GSPT1: variants seen among roughly 807,000 people sequenced by gnomAD.
GSPT1 encodes eukaryotic peptide chain release factor GTP-binding subunit ERF3A.
In GSPT1, 20 loss-of-function variants were observed where a neutral mutation model predicts 72.5. The observed-to-expected ratio is 0.28, with a 90% confidence interval of 0.19 to 0.40. The LOEUF (loss-of-function observed/expected upper bound fraction) is 0.40. GSPT1 is among the 10% of genes least tolerant of loss of function. GSPT1 has a pLI of 1.00. For missense variants in GSPT1, 580 were observed against 811.9 expected (o/e 0.71, Z 3.47); for synonymous variants, 334 against 293.5 (o/e 1.14, Z -1.41).
At chr16:11,885,303 G>A (rs746142264) in intron 9 of GSPT1, 29 bp from the exon 10 acceptor site, 4 of 1,065,546 alleles carry the variant, frequency 3.8e-6, no homozygotes, top group Admixed American at 1.7e-5. Flanking sequence ...AGCCATTAAA[G>A]GAAGTCAACA....
intron 7 of GSPT1, 77 bp downstream of exon 7, chr16:11,887,493 A>T: frequency 8.4e-7 from 1 of 1,196,634 alleles, no homozygotes; most frequent in Non-Finnish European, 1.2e-6. Context: ...TTGAGCTTTT[A>T]GAAGATAAAT....
At chr16:11,890,160 CCAT>C in intron 6 of GSPT1, among the ~76,000 whole-genome samples, 1 of 151,628 alleles carries the variant, frequency 6.6e-6, no homozygotes, top group African/African-American at 2.4e-5. Flanking sequence ...CGGGGTTTCA[CCAT>C]GTTAGCCAGG....
intron 1 of GSPT1, among the ~76,000 whole-genome samples, chr16:11,911,362 T>C (rs1343535275): frequency 6.6e-6 from 1 of 152,122 alleles, no homozygotes; most frequent in Non-Finnish European, 1.5e-5. Context: ...CTTACAAATA[T>C]ATTAAAAGCC....
At position 11,894,069 on chromosome 16, in the gene GSPT1, T is replaced by C. The variant is rs377125683; in HGVS notation, c.698+885A>G. ...TGCTTGGGAGGCTGAGGTGGAAGGA[T>C]TGCTTGAGTCCAGGAGGTCGAGGCT... On this transcript the variant is annotated intron_variant, in intron 5 of 14. Transcript: ENST00000434724. Among the ~76,000 whole-genome samples, 18 of 140,026 alleles carry C rather than the reference T, an allele frequency of 1.3e-4. No homozygotes were observed. The East Asian group carries it at 3.0e-3, about 23-fold the overall frequency. The allele number at this position is 140,026 out of a possible 152,430, so 91.9% of individuals were successfully genotyped here.
In GSPT1 at chr16:11,896,682, C is replaced by T. The variant is rs747461614; in HGVS notation, c.540G>A (p.Pro180=). ...TCATTTCATGGGCACTTTCCTCTGG[C>T]GGCCTTCCATCTCCCAAGGAACCAC... ...PGGGSLGDGR[P]PEESAHEMME... is the part of the protein sequence containing the mutation. The change falls in exon 4 of 15, where the codon CCG becomes CCA. Residue 180 remains proline (P), a synonymous_variant. Transcript: ENST00000434724. 25 of 1,607,660 alleles carry T rather than the reference C, an allele frequency of 1.6e-5. No homozygotes were observed. Among genetic ancestry groups the T allele is most frequent in the African/African-American group, 4.0e-5 (3 of 74,842 alleles).
chr16:11,897,413 C>T (rs528654844), intron 3 of GSPT1, among the ~76,000 whole-genome samples: 21 of 152,176 alleles, frequency 1.4e-4, no homozygotes, highest in African/African-American at 4.8e-4. Context: ...GGTGAAACCC[C>T]GCCTCTACTA....
intron 11 of GSPT1, among the ~76,000 whole-genome samples, chr16:11,880,862 C>T (rs556278885): frequency 1.3e-5 from 2 of 152,162 alleles, no homozygotes; most frequent in African/African-American, 4.8e-5. Flanking sequence ...CCGTAGGTTG[C>T]CAACCCCATG....
intron 14 of GSPT1, 61 bp downstream of exon 14, chr16:11,875,700 G>A (rs1025887664): frequency 1.6e-6 from 2 of 1,232,292 alleles, no homozygotes; most frequent in Non-Finnish European, 2.3e-6. Context: ...CTGAGATGAT[G>A]AAGATGACCA....
chr16:11,885,622 T>G (rs567604882), intron 9 of GSPT1, among the ~76,000 whole-genome samples: 5 of 152,354 alleles, frequency 3.3e-5, no homozygotes, highest in Admixed American at 2.6e-4. Flanking sequence ...CTGCGTGCAG[T>G]GGCTCATGCC....
intron 5 of GSPT1, 59 bp downstream of exon 5, chr16:11,894,895 A>G (rs371003176): frequency 6.5e-6 from 7 of 1,078,708 alleles, no homozygotes; most frequent in Non-Finnish European, 9.8e-6. Flanking sequence ...AAGGTTTACA[A>G]TGCCTAAAAT....
chr16:11,868,527 C>T lies in GSPT1; in HGVS notation c.*4592G>A, dbSNP rs2053944177. The stretch of plus-strand genomic sequence containing the variant: ...ATGTGTGAGTCCTTAAAATGTAGAC[C>T]TTGCAGGAGGCTTAGACCTCAGTTT... On this transcript the variant is annotated 3_prime_UTR_variant, in exon 15 of 15. Coordinates refer to ENST00000434724, the MANE Select transcript of GSPT1 (RefSeq NM_002094.4). The T allele has an allele frequency of 6.6e-6, 1 of 152,132 alleles. No individual in the cohort carries two copies. Among genetic ancestry groups the T allele is most frequent in the Non-Finnish European group, 1.5e-5 (1 of 68,062 alleles). The allele number at this position is 152,132 out of a possible 1,614,324, so 9.4% of individuals were successfully genotyped here.
Position 11,887,004 on chromosome 16 carries a change from T to G in GSPT1, c.958-73A>C, listed in dbSNP as rs915658853. On this transcript the variant is annotated intron_variant, in intron 7 of 14. Coordinates refer to ENST00000434724, the MANE Select transcript of GSPT1 (RefSeq NM_002094.4). ...CCTTATGGCAGTAAAACATCTTTCCTTTCAGTTATATCACGAGTTTTTTTT... is the reference window on the plus strand; with the variant it reads ...CCTTATGGCAGTAAAACATCTTTCCGTTCAGTTATATCACGAGTTTTTTTT... 3.4e-6 allele frequency: 4 copies of G among 1,179,882 alleles called. No individual in the cohort carries two copies. In the African/African-American group the frequency reaches 6.3e-5, roughly 18 times the overall value. The allele number at this position is 1,179,882 out of a possible 1,614,324, so 73.1% of individuals were successfully genotyped here. A position where few individuals can be genotyped will look rare whatever the true frequency, so the allele number is the denominator to read the frequency against.
intron 11 of GSPT1, among the ~76,000 whole-genome samples, chr16:11,880,867 C>T (rs934448311): frequency 2.0e-5 from 3 of 152,046 alleles, no homozygotes; most frequent in Non-Finnish European, 4.4e-5. Flanking sequence ...GGTTGCCAAC[C>T]CCATGAATTT....
intron 1 of GSPT1, among the ~76,000 whole-genome samples, chr16:11,900,922 G>C (rs996716462): frequency 4.6e-5 from 7 of 152,166 alleles, no homozygotes; most frequent in African/African-American, 1.2e-4. Flanking sequence ...AAACCTCTGG[G>C]AGTCCAAGGT....
intron 6 of GSPT1, 188 bp downstream of exon 6, chr16:11,890,874 A>G (rs1193695898): frequency 4.9e-6 from 2 of 405,176 alleles, no homozygotes. Context: ...ATTGTTTCCA[A>G]ATTTCTCTGT....
intron 1 of GSPT1, among the ~76,000 whole-genome samples, chr16:11,905,269 G>C (rs1323495911): frequency 6.6e-6 from 1 of 152,214 alleles, no homozygotes; most frequent in African/African-American, 2.4e-5. Flanking sequence ...TGACATGATA[G>C]TCACCAGCCA....
At chr16:11,888,910 C>T (rs967695732) in intron 6 of GSPT1, among the ~76,000 whole-genome samples, 2 of 152,198 alleles carry the variant, frequency 1.3e-5, no homozygotes, top group African/African-American at 4.8e-5. Context: ...GCCAATATCA[C>T]TGTGTGTTAA....
Position 11,877,725 on chromosome 16 carries a change from T to C in GSPT1, c.1429-145A>G. On this transcript the variant is annotated intron_variant, in intron 11 of 14. Coordinates refer to ENST00000434724, the MANE Select transcript of GSPT1 (RefSeq NM_002094.4). The surrounding 1 kb of genome is among the most constrained non-coding windows in gnomAD (Gnocchi z 4.0). ...GTTTGTATGACATAAAATCTTAGCC[T>C]AGATATGATCAGCAAAAATCATATC... The C allele has an allele frequency of 3.5e-6, 2 of 566,344 alleles. No individual in the cohort carries two copies. The highest frequency in any genetic ancestry group is 6.0e-5 in the East Asian group (2 of 33,112). The allele number at this position is 566,344 out of a possible 1,614,324, so 35.1% of individuals were successfully genotyped here.
chr16:11,909,742 T>C (rs1596476793), intron 1 of GSPT1, among the ~76,000 whole-genome samples: 1 of 152,202 alleles, frequency 6.6e-6, no homozygotes, highest in East Asian at 1.9e-4. Flanking sequence ...CTGGGCAACA[T>C]GGTGAAACCT....
Sources: allele counts gnomAD v4.1 joint callset (sites outside exome capture counted in the v4.1 genomes callset), GRCh38; gene constraint gnomAD v4.1.1; non-coding constraint Gnocchi (gnomAD v3.1); transcripts MANE v1.5; gene names NCBI Gene and HGNC (gene_info 2026-07-23, HGNC 2026-07-21).